The following POC1B variants were observed in gnomAD, a reference collection of about 807,000 sequenced individuals.
POC1B encodes POC1 centriolar protein homolog B.
POC1B carries 44 observed loss-of-function variants against 60.6 expected under a neutral mutation model. The ratio of observed to expected loss-of-function variants is 0.73; its 90% CI spans 0.57 to 0.93. The LOEUF is 0.93. Ranked by LOEUF, POC1B falls within the 40% of genes least tolerant of loss-of-function variation. The pLI is 0.00. For missense variants in POC1B, 555 were observed against 572.3 expected, an observed-to-expected ratio of 0.97 and a Z score of 0.31; for synonymous variants, 180 against 198.9, an observed-to-expected ratio of 0.90 and a Z score of 0.80.
intron 2 of POC1B, 103 bp from the exon 3 acceptor site, chr12:89,497,445 T>C (rs1211897724): frequency 1.1e-5 from 13 of 1,233,538 alleles, no homozygotes; most frequent in East Asian, 4.9e-5. Flanking sequence ...ATCCAGGTAA[T>C]AGAGCGGCTG....
At chr12:89,482,709 A>G (rs1868412051) in intron 4 of POC1B, among the ~76,000 whole-genome samples, 1 of 152,214 alleles carries the variant, frequency 6.6e-6, no homozygotes, top group Non-Finnish European at 1.5e-5. Flanking sequence ...ACTGGGTAGC[A>G]TATAAACAAC....
the POC1B span, among the ~76,000 whole-genome samples, chr12:89,414,284 TATA>T: frequency 1.2e-4 from 19 of 152,238 alleles, no homozygotes; most frequent in African/African-American, 4.6e-4. Context: ...AAATCTATTT[TATA>T]ATGAGAAGAA....
the POC1B span, among the ~76,000 whole-genome samples, chr12:89,411,808 T>A: frequency 6.6e-6 from 1 of 152,232 alleles, no homozygotes; most frequent in Non-Finnish European, 1.5e-5. Context: ...GAACTTTTCA[T>A]GTGATTTTTG....
At chr12:89,415,072 G>A (rs919965822), downstream of POC1B, among the ~76,000 whole-genome samples, 1 of 152,152 alleles carries the variant, frequency 6.6e-6, no homozygotes, top group Non-Finnish European at 1.5e-5. Context: ...TTTTATTTAG[G>A]ATAATTATGA....
At chr12:89,507,141 C>T (rs1415933396) in intron 2 of POC1B, among the ~76,000 whole-genome samples, 1 of 151,558 alleles carries the variant, frequency 6.6e-6, no homozygotes, top group East Asian at 1.9e-4. Context: ...GGCATGGTGA[C>T]CTGCACCTGT....
At chr12:89,441,658 T>C (rs1881527947) in intron 10 of POC1B, among the ~76,000 whole-genome samples, 1 of 152,052 alleles carries the variant, frequency 6.6e-6, no homozygotes, top group Admixed American at 6.6e-5. Flanking sequence ...ACCACAAAGA[T>C]GGGGAGAAGC....
At chr12:89,484,095 A>G (rs146275866) in intron 4 of POC1B, among the ~76,000 whole-genome samples, 16 of 152,372 alleles carry the variant, frequency 1.1e-4, no homozygotes, top group Admixed American at 9.1e-4. Context: ...AGTTAAGGAT[A>G]CATATTGTAA....
intron 2 of POC1B, among the ~76,000 whole-genome samples, chr12:89,512,114 C>T (rs1404024983): frequency 3.9e-5 from 6 of 152,118 alleles, no homozygotes; most frequent in African/African-American, 7.2e-5. Context: ...GACAATATTC[C>T]AATCTTGACT....
chr12:89,466,542 C>A (rs3803128), intron 9 of POC1B: 74,232 of 359,152 alleles, frequency 0.21, 8,621 homozygotes, highest in South Asian at 0.35. Flanking sequence ...GATTTAATTT[C>A]TCATTTCCTA....
intron 2 of POC1B, among the ~76,000 whole-genome samples, chr12:89,506,413 A>G (rs1303482492): frequency 3.3e-5 from 5 of 152,248 alleles, no homozygotes; most frequent in African/African-American, 1.2e-4. Context: ...ACTTAGAGAA[A>G]GTACTAAAGA....
At chr12:89,457,590 G>A (rs781730962) in intron 10 of POC1B, among the ~76,000 whole-genome samples, 1 of 152,122 alleles carries the variant, frequency 6.6e-6, no homozygotes, top group African/African-American at 2.4e-5. Flanking sequence ...TAGCAAACAA[G>A]ATTTTGTTTT....
chr12:89,480,075 C>T (rs1010608068), intron 4 of POC1B, among the ~76,000 whole-genome samples: 1 of 151,946 alleles, frequency 6.6e-6, no homozygotes, highest in Admixed American at 6.6e-5. Flanking sequence ...GTACCATTAT[C>T]ACCATATTTT....
At chr12:89,434,497 T>A (rs1328436720) in intron 10 of POC1B, among the ~76,000 whole-genome samples, 1 of 152,364 alleles carries the variant, frequency 6.6e-6, no homozygotes, top group African/African-American at 2.4e-5. Flanking sequence ...AATTTCCTTC[T>A]ATGTTTCACT....
intron 2 of POC1B, chr12:89,520,497 A>G (rs2135772296): frequency 6.6e-6 from 1 of 152,314 alleles, no homozygotes; most frequent in East Asian, 1.9e-4. Context: ...CGAAAAATTC[A>G]GAGCATTATT....
intron 10 of POC1B, among the ~76,000 whole-genome samples, chr12:89,456,885 T>C (rs1430914128): frequency 6.6e-6 from 1 of 152,202 alleles, no homozygotes; most frequent in African/African-American, 2.4e-5. Flanking sequence ...CAAGTGAAAG[T>C]AGAAATAGAG....
chr12:89,480,603 T>G lies in POC1B; in HGVS notation c.453-8328A>C, dbSNP rs868849960. 4.3e-3 allele frequency among the ~76,000 whole-genome samples: 600 copies of G among 138,480 alleles called. 4 individuals carry two copies. Among genetic ancestry groups the G allele is most frequent in the Middle Eastern group, 0.035 (10 of 288 alleles). 90.8% of individuals were successfully genotyped at this position (138,480 alleles called of 152,430 possible). A position where few individuals can be genotyped will look rare whatever the true frequency, so the allele number is the denominator to read the frequency against. ...GCCTGGCTAATTTTTGTATTTTTTTTTTTTTTTTTTTTTTTTGAGACGGAG... is the reference window on the plus strand; with the variant it reads ...GCCTGGCTAATTTTTGTATTTTTTTGTTTTTTTTTTTTTTTTGAGACGGAG... On this transcript the variant is annotated intron_variant, in intron 4 of 11. Coordinates refer to ENST00000313546, the MANE Select transcript of POC1B (RefSeq NM_172240.3).
At chr12:89,490,604 C>A (rs1219424961) in intron 4 of POC1B, among the ~76,000 whole-genome samples, 1 of 152,198 alleles carries the variant, frequency 6.6e-6, no homozygotes, top group Non-Finnish European at 1.5e-5. Context: ...CTTGGCCTCA[C>A]AAAGTGCTGG....
At chr12:89,443,673 C>G (rs1213035379) in intron 10 of POC1B, among the ~76,000 whole-genome samples, 1 of 151,006 alleles carries the variant, frequency 6.6e-6, no homozygotes, top group East Asian at 1.9e-4. Flanking sequence ...AATTGACACC[C>G]TAACATCACA....
chr12:89,447,966 A>G (rs1404117659), intron 10 of POC1B, among the ~76,000 whole-genome samples: 1 of 152,028 alleles, frequency 6.6e-6, no homozygotes, highest in Middle Eastern at 3.2e-3. Flanking sequence ...ACTATAGATA[A>G]CGCATGACCT....
Sources: allele counts gnomAD v4.1 joint callset (sites outside exome capture counted in the v4.1 genomes callset), GRCh38; gene constraint gnomAD v4.1.1; transcripts MANE v1.5; gene names NCBI Gene and HGNC (gene_info 2026-07-23, HGNC 2026-07-21).